The following ENTPD5 variants were observed in gnomAD, a reference collection of about 807,000 sequenced individuals.
ENTPD5 encodes ectonucleoside triphosphate diphosphohydrolase 5 (inactive).
ENTPD5 carries 49 observed loss-of-function variants against 60.2 expected under a neutral mutation model. The ratio of observed to expected loss-of-function variants is 0.81; its 90% CI spans 0.65 to 1.03. The LOEUF (loss-of-function observed/expected upper bound fraction) is 1.03. Ranked by LOEUF, ENTPD5 falls within the 50% of genes least tolerant of loss-of-function variation. The pLI is 0.00. For missense variants in ENTPD5, 480 were observed against 507.6 expected (o/e 0.95, Z 0.52); for synonymous variants, 187 against 185.4 (o/e 1.01, Z -0.07).
intron 3 of ENTPD5, among the ~76,000 whole-genome samples, chr14:73,999,878 A>G (rs1248068693): frequency 2.6e-5 from 4 of 151,596 alleles, no homozygotes. Flanking sequence ...TCATGAGGTC[A>G]GGAGTTCCAG....
At chr14:73,955,806 T>C, downstream of ENTPD5, 1 of 1,614,180 alleles carries the variant, frequency 6.2e-7, no homozygotes, top group South Asian at 1.1e-5. Flanking sequence ...TGTTTCCAGG[T>C]GTGGGACGCC....
chr14:73,988,332 G>T (rs1335957916), intron 3 of ENTPD5, among the ~76,000 whole-genome samples, 160 bp from the exon 4 acceptor site: 1 of 152,144 alleles, frequency 6.6e-6, no homozygotes, highest in Admixed American at 6.5e-5. Flanking sequence ...CACCTTTTCC[G>T]AAGGGTATCT....
chr14:73,997,881 T>C (rs1457621051), intron 3 of ENTPD5, among the ~76,000 whole-genome samples: 3 of 152,130 alleles, frequency 2.0e-5, no homozygotes, highest in Non-Finnish European at 2.9e-5. Flanking sequence ...TAATGGAATA[T>C]GCAGGCAGAA....
rs1432131702 is a variant in ENTPD5 at position 73,977,020 on chromosome 14, T to G, written c.553+4A>C. On this transcript the variant is annotated splice_donor_region_variant and intron_variant, in intron 8 of 15. Transcript: ENST00000334696. ...CTCTAAAGATAAACTTGAGGATGTA[T>G]TACCTGTCAGAAAATTCACAGTAAC... 1.2e-6 allele frequency: 2 copies of G among 1,611,590 alleles called. No homozygotes were observed. The highest frequency in any genetic ancestry group is 2.7e-5 in the African/African-American group (2 of 74,870).
chr14:73,979,179 G>A (rs62006134), intron 6 of ENTPD5, among the ~76,000 whole-genome samples: 47,881 of 151,832 alleles, frequency 0.32, 9,116 homozygotes, highest in Non-Finnish European at 0.42. Context: ...ATCCCCCTAA[G>A]ATCTCTGATC....
downstream of ENTPD5, chr14:73,960,008 C>T: frequency 9.7e-7 from 1 of 1,029,224 alleles, no homozygotes; most frequent in African/African-American, 1.7e-5. Flanking sequence ...TAAATAATAA[C>T]CTTTTGAGGG....
At position 73,966,756 on chromosome 14, in the gene ENTPD5, T is replaced by C; in HGVS notation, c.*172A>G. ...CTCTCTGTGATGCTCTGGTGCCAGC[T>C]GTGTACTCTTGAGTGGTTAGGCAGC... On this transcript the variant is annotated 3_prime_UTR_variant, in exon 16 of 16. Coordinates refer to ENST00000334696, the MANE Select transcript of ENTPD5 (RefSeq NM_001249.5). The C allele has an allele frequency of 3.5e-6, 2 of 570,512 alleles. No individual in the cohort carries two copies. Among genetic ancestry groups the C allele is most frequent in the South Asian group, 4.5e-5 (2 of 44,606 alleles). 35.3% of individuals were successfully genotyped at this position (570,512 alleles called of 1,614,324 possible). A position where few individuals can be genotyped will look rare whatever the true frequency, so the allele number is the denominator to read the frequency against.
chr14:73,987,237 C>A, intron 4 of ENTPD5: 1 of 681,398 alleles, frequency 1.5e-6, no homozygotes, highest in Admixed American at 2.1e-5. Flanking sequence ...CTCATGTGAT[C>A]CTTCTCCCAA....
intron 3 of ENTPD5, among the ~76,000 whole-genome samples, chr14:74,010,203 A>G (rs2058804413): frequency 6.6e-6 from 1 of 152,136 alleles, no homozygotes; most frequent in Admixed American, 6.6e-5. Context: ...CAAACCTCTC[A>G]AGGGATTACA....
Position 74,018,298 on chromosome 14 carries a change from T to C in ENTPD5, c.-238+952A>G, listed in dbSNP as rs113306633. The stretch of plus-strand genomic sequence containing the variant: ...TGGGAAACAAGGCGGAGGGGAGTAA[T>C]TAGAGGTCAAAGACATCGGGAAGGA... On this transcript the variant is annotated intron_variant, in intron 1 of 15. Transcript: ENST00000334696. Among the ~76,000 whole-genome samples the C allele has an allele frequency of 2.2e-3, 341 of 152,128 alleles. 2 individuals carry two copies. The highest frequency in any genetic ancestry group is 7.8e-3 in the African/African-American group (324 of 41,486).
downstream of ENTPD5, chr14:73,961,290 A>G (rs139010315): frequency 1.8e-3 from 2,870 of 1,614,010 alleles, 2 homozygotes; most frequent in Non-Finnish European, 2.0e-3. Flanking sequence ...AAGCGTAGCC[A>G]GGGTGGATGC....
intron 3 of ENTPD5, among the ~76,000 whole-genome samples, chr14:74,009,962 T>G (rs915144806): frequency 4.6e-5 from 7 of 152,098 alleles, no homozygotes; most frequent in Admixed American, 1.3e-4. Flanking sequence ...CAGCTAATTT[T>G]TTGTATTTTT....
chr14:73,957,167 GGCTCACTGCA>G (rs2056478070), downstream of ENTPD5, among the ~76,000 whole-genome samples: 1 of 151,122 alleles, frequency 6.6e-6, no homozygotes, highest in South Asian at 2.1e-4. Context: ...GCACAGTCTC[GGCTCACTGCA>G]AGCTCGGCCT....
chr14:73,989,515 T>C (rs545615597), intron 3 of ENTPD5, among the ~76,000 whole-genome samples: 12 of 148,812 alleles, frequency 8.1e-5, no homozygotes, highest in Non-Finnish European at 1.6e-4. Flanking sequence ...CTGGCCAACA[T>C]GGTGAAACCC....
Position 73,977,380 on chromosome 14 carries a change from GA to G in ENTPD5, c.442-7del. On this transcript the variant is annotated splice_region_variant and splice_polypyrimidine_tract_variant and intron_variant, in intron 6 of 15. Coordinates refer to ENST00000334696, the MANE Select transcript of ENTPD5 (RefSeq NM_001249.5). The stretch of plus-strand genomic sequence containing the variant: ...TTCCTGAAGATCTCCTTTACCTAGA[GA>G]AAAAGGAAAAAAAAAAAAAAAGAAT... The G allele has an allele frequency of 3.7e-6, 4 of 1,083,490 alleles. No individual in the cohort carries two copies. Among genetic ancestry groups the G allele is most frequent in the Admixed American group, 5.8e-5 (2 of 34,588 alleles). The allele number at this position is 1,083,490 out of a possible 1,614,324, so 67.1% of individuals were successfully genotyped here.
intron 13 of ENTPD5, among the ~76,000 whole-genome samples, chr14:73,972,230 C>G (rs1308390674): frequency 6.6e-6 from 1 of 151,886 alleles, no homozygotes; most frequent in Non-Finnish European, 1.5e-5. Context: ...AAAAATTAGC[C>G]GGGTGTGGTG....
chr14:73,963,352 TTATA>T lies in ENTPD5; in HGVS notation c.*3572_*3575del. ...TTTTGTTTTAATGTTGGTCATAAAT[TTATA>T]CAGTTGTTTTTTGATAGAGGTAAGA... On this transcript the variant is annotated 3_prime_UTR_variant, in exon 16 of 16. Coordinates refer to ENST00000334696, the MANE Select transcript of ENTPD5 (RefSeq NM_001249.5). 2.5e-6 allele frequency: 1 copy of T among 398,830 alleles called. No homozygotes were observed. Among genetic ancestry groups the T allele is most frequent in the Non-Finnish European group, 4.4e-6 (1 of 225,016 alleles). The allele number at this position is 398,830 out of a possible 1,614,324, so 24.7% of individuals were successfully genotyped here.
At chr14:74,012,629 G>A (rs1340492435) in intron 2 of ENTPD5, among the ~76,000 whole-genome samples, 1 of 152,144 alleles carries the variant, frequency 6.6e-6, no homozygotes, top group Non-Finnish European at 1.5e-5. Context: ...TAAGACAAAA[G>A]GAACCGGTGG....
At chr14:73,979,990 A>T (rs1278201917) in intron 6 of ENTPD5, among the ~76,000 whole-genome samples, 1 of 136,294 alleles carries the variant, frequency 7.3e-6, no homozygotes, top group Non-Finnish European at 1.5e-5. Context: ...CTTGTCACCC[A>T]GGCTGGAGTG....
Sources: gnomAD v4.1 joint callset for allele counts (sites outside exome capture counted in the v4.1 genomes callset) on GRCh38, gnomAD v4.1.1 for gene constraint, MANE v1.5 for transcripts, NCBI Gene and HGNC (gene_info 2026-07-23, HGNC 2026-07-21) for gene names.